PGR: variants seen among roughly 807,000 people sequenced by gnomAD.
The protein encoded by PGR is progesterone receptor, also known as nuclear receptor subfamily 3 group C member 3.
PGR carries 25 observed loss-of-function variants against 76.1 expected under a neutral mutation model. The observed-to-expected ratio is 0.33, with a 90% CI of 0.24 to 0.46. PGR has a LOEUF of 0.46. Ranked by LOEUF, PGR falls within the 20% of genes least tolerant of loss-of-function variation. The pLI is 1.00. For synonymous variants in PGR, 579 were observed against 535.0 expected (o/e 1.08, Z -1.14); for missense variants, 1,172 against 1,225.3 (o/e 0.96, Z 0.65).
intron 2 of PGR, among the ~76,000 whole-genome samples, chr11:101,107,283 C>T (rs900235345): frequency 1.3e-5 from 2 of 152,130 alleles, no homozygotes; most frequent in African/African-American, 4.8e-5. Context: ...CTTCAACTAT[C>T]TTAAATTGAA....
intron 3 of PGR, among the ~76,000 whole-genome samples, chr11:101,084,376 G>A (rs952735705): frequency 6.6e-6 from 1 of 152,022 alleles, no homozygotes; most frequent in Non-Finnish European, 1.5e-5. Context: ...CACAGAGTGG[G>A]TCCAGGCACA....
At chr11:101,056,609 C>A (rs1224992080) in intron 4 of PGR, among the ~76,000 whole-genome samples, 2 of 141,762 alleles carry the variant, frequency 1.4e-5, no homozygotes, top group African/African-American at 5.2e-5. Context: ...CACTGCACTC[C>A]AGCCTGGGTG....
At position 101,066,665 on chromosome 11, in the gene PGR, T is replaced by C. The variant is rs78366711; in HGVS notation, c.1907-3913A>G. Among the ~76,000 whole-genome samples the C allele has an allele frequency of 2.0e-3, 311 of 152,344 alleles. 7 individuals are homozygous for C. The East Asian group carries it at 0.053, about 26-fold the overall frequency. On this transcript the variant is annotated intron_variant, in intron 3 of 7. Transcript: ENST00000325455. ...ATGTTTAGAGCAGAACTTTGATGCA[T>C]TGGTCCAAACATGCATCTTCTAGGT...
chr11:101,075,860 G>A (rs1374062250), intron 3 of PGR, among the ~76,000 whole-genome samples: 2 of 152,106 alleles, frequency 1.3e-5, no homozygotes, highest in African/African-American at 2.4e-5. Context: ...AAGCTTTTAC[G>A]CTGTTGGTGG....
At chr11:101,073,662 C>G (rs113985046) in intron 3 of PGR, among the ~76,000 whole-genome samples, 1 of 151,996 alleles carries the variant, frequency 6.6e-6, no homozygotes, top group African/African-American at 2.4e-5. Context: ...ACCAGTGATC[C>G]CACAGAAATA....
In PGR at chr11:101,117,202, C is replaced by A. The variant is rs1296690224; in HGVS notation, c.1789+8805G>T. 4.6e-5 allele frequency among the ~76,000 whole-genome samples: 7 copies of A among 152,226 alleles called. No homozygotes were observed. In the East Asian group the frequency reaches 1.4e-3, roughly 29 times the overall value. On this transcript the variant is annotated intron_variant, in intron 2 of 7. Coordinates refer to ENST00000325455, the MANE Select transcript of PGR (RefSeq NM_000926.4). The stretch of plus-strand genomic sequence containing the variant: ...TCTCCAATGGTCATTATTTGTTATT[C>A]ATTATTATTCCAGTACTCAAATTGC...
At chr11:101,086,704 G>T (rs929173152) in intron 3 of PGR, among the ~76,000 whole-genome samples, 1 of 151,922 alleles carries the variant, frequency 6.6e-6, no homozygotes, top group African/African-American at 2.4e-5. Context: ...CCACCAAAAG[G>T]CTCCTAAAAC....
In PGR at chr11:101,034,965, G is replaced by T; in HGVS notation, c.*4151C>A. The stretch of plus-strand genomic sequence containing the variant: ...AAAAAAGAAACCACAAAACCTAGGT[G>T]ATGTTCTTTTCATTAAAATGATTTC... On this transcript the variant is annotated 3_prime_UTR_variant, in exon 8 of 8. Coordinates refer to ENST00000325455, the MANE Select transcript of PGR (RefSeq NM_000926.4). 5.2e-6 allele frequency: 1 copy of T among 192,208 alleles called. No individual in the cohort carries two copies. Among genetic ancestry groups the T allele is most frequent in the Non-Finnish European group, 1.1e-5 (1 of 91,968 alleles). The allele number at this position is 192,208 out of a possible 1,614,324, so 11.9% of individuals were successfully genotyped here.
chr11:101,038,104 G>T lies in PGR; in HGVS notation c.*1012C>A. 1 of 196,358 alleles carries T rather than the reference G, an allele frequency of 5.1e-6. No individual in the cohort carries two copies. The highest frequency in any genetic ancestry group is 1.1e-5 in the Non-Finnish European group (1 of 94,556). The allele number at this position is 196,358 out of a possible 1,614,324, so 12.2% of individuals were successfully genotyped here. ...ATTTCATGGTAAAAAGATTTGCATG[G>T]CTGAAACATAATATGAATTCATGAT... On this transcript the variant is annotated 3_prime_UTR_variant, in exon 8 of 8. Coordinates refer to ENST00000325455, the MANE Select transcript of PGR (RefSeq NM_000926.4).
chr11:101,040,063 T>C (rs981985253), intron 7 of PGR, among the ~76,000 whole-genome samples: 2 of 151,520 alleles, frequency 1.3e-5, no homozygotes, highest in African/African-American at 4.9e-5. Context: ...ATTTATATCA[T>C]AAAGATTTTT....
chr11:101,074,688 C>G (rs1404717420), intron 3 of PGR, among the ~76,000 whole-genome samples: 1 of 152,106 alleles, frequency 6.6e-6, no homozygotes, highest in African/African-American at 2.4e-5. Flanking sequence ...CAATAATAGA[C>G]AAACAGAGAG....
At chr11:101,078,115 T>C (rs1011802343) in intron 3 of PGR, among the ~76,000 whole-genome samples, 5 of 152,036 alleles carry the variant, frequency 3.3e-5, no homozygotes, top group African/African-American at 1.2e-4. Flanking sequence ...ACAACAAAAA[T>C]CTTTACTACA....
intron 3 of PGR, among the ~76,000 whole-genome samples, chr11:101,073,653 C>A (rs1278780217): frequency 1.3e-5 from 2 of 152,178 alleles, no homozygotes; most frequent in South Asian, 2.1e-4. Context: ...GGGGATATCA[C>A]CAGTGATCCC....
At chr11:101,059,365 T>C (rs975506650) in intron 4 of PGR, among the ~76,000 whole-genome samples, 2 of 152,116 alleles carry the variant, frequency 1.3e-5, no homozygotes, top group African/African-American at 4.8e-5. Flanking sequence ...AGAGGGAATA[T>C]GTCTTGTTCA....
At chr11:101,058,691 C>T (rs1402806986) in intron 4 of PGR, among the ~76,000 whole-genome samples, 1 of 152,154 alleles carries the variant, frequency 6.6e-6, no homozygotes, top group Non-Finnish European at 1.5e-5. Context: ...AATTTCACTG[C>T]AACGTATTGA....
At chr11:101,103,252 A>G (rs1862050772) in intron 2 of PGR, among the ~76,000 whole-genome samples, 1 of 152,120 alleles carries the variant, frequency 6.6e-6, no homozygotes, top group Non-Finnish European at 1.5e-5. Flanking sequence ...GAAATAATAA[A>G]GTGCGTGGAA....
chr11:101,119,312 G>T (rs1352343825), intron 2 of PGR, among the ~76,000 whole-genome samples: 1 of 152,078 alleles, frequency 6.6e-6, no homozygotes, highest in Non-Finnish European at 1.5e-5. Flanking sequence ...CTATTTTTGA[G>T]TGTCTGTCTT....
At chr11:101,097,025 C>A (rs1162508861) in intron 2 of PGR, among the ~76,000 whole-genome samples, 4 of 152,168 alleles carry the variant, frequency 2.6e-5, no homozygotes, top group Non-Finnish European at 5.9e-5. Context: ...GTTCACCCCA[C>A]TAGGAGCCAC....
At chr11:101,082,381 G>C (rs990177102) in intron 3 of PGR, among the ~76,000 whole-genome samples, 1 of 152,244 alleles carries the variant, frequency 6.6e-6, no homozygotes, top group African/African-American at 2.4e-5. Flanking sequence ...ACCTGAAAAT[G>C]TGGGAGTGAC....
Sources: gnomAD v4.1 joint callset for allele counts (sites outside exome capture counted in the v4.1 genomes callset) on GRCh38, gnomAD v4.1.1 for gene constraint, MANE v1.5 for transcripts, NCBI Gene and HGNC (gene_info 2026-07-23, HGNC 2026-07-21) for gene names.